NOS1: variants seen among roughly 807,000 people sequenced by gnomAD.
The protein encoded by NOS1 is nitric oxide synthase 1.
Under a neutral mutation model 164.5 loss-of-function variants are expected in NOS1, and 51 were observed. The observed-to-expected ratio is 0.31, with a 90% CI of 0.25 to 0.39. The LOEUF (loss-of-function observed/expected upper bound fraction) is 0.39. Among genes scored for constraint, NOS1 ranks in the 10% least tolerant of loss-of-function variants. The pLI, the probability that NOS1 is intolerant of heterozygous loss-of-function variation, is 1.00. For synonymous variants in NOS1, 719 were observed against 745.8 expected (o/e 0.96, Z 0.59); for missense variants, 1,362 against 1,885.6 (o/e 0.72, Z 5.14).
intron 1 of NOS1, among the ~76,000 whole-genome samples, chr12:117,343,097 G>A (rs1288529963): frequency 6.6e-6 from 1 of 151,992 alleles, no homozygotes; most frequent in Admixed American, 6.6e-5. Context: ...GGGAGGCTGA[G>A]GCGAGAGGAT....
intron 2 of NOS1, among the ~76,000 whole-genome samples, chr12:117,314,062 C>T (rs917495146): frequency 2.0e-5 from 3 of 152,178 alleles, no homozygotes; most frequent in Non-Finnish European, 4.4e-5. Flanking sequence ...TCCCCAGTGA[C>T]CCCTCCAGCG....
chr12:117,346,458 G>A (rs922406147), intron 1 of NOS1, among the ~76,000 whole-genome samples: 5 of 152,266 alleles, frequency 3.3e-5, no homozygotes, highest in East Asian at 1.9e-4. Context: ...ACCACAGAGC[G>A]AGACTCTGTC....
intron 6 of NOS1, among the ~76,000 whole-genome samples, chr12:117,285,767 C>G (rs1457307977): frequency 1.3e-5 from 2 of 152,178 alleles, no homozygotes; most frequent in African/African-American, 4.8e-5. Flanking sequence ...GACACAGAAA[C>G]TAATGCCTTC....
chr12:117,286,676 A>G (rs1555255881), intron 5 of NOS1, among the ~76,000 whole-genome samples: 1 of 152,212 alleles, frequency 6.6e-6, no homozygotes, highest in Non-Finnish European at 1.5e-5. Flanking sequence ...TTAGAAAGTT[A>G]GAAAAATTTT....
intron 10 of NOS1, among the ~76,000 whole-genome samples, chr12:117,268,667 G>A (rs1359668263): frequency 6.9e-6 from 1 of 144,270 alleles, no homozygotes; most frequent in African/African-American, 2.6e-5. Flanking sequence ...TTGGCTCACT[G>A]CAAGCTCCGC....
chr12:117,263,493 A>G (rs1293888904), intron 13 of NOS1, among the ~76,000 whole-genome samples: 7 of 152,012 alleles, frequency 4.6e-5, no homozygotes, highest in African/African-American at 1.4e-4. Context: ...ATCTCAAAAA[A>G]GAAAGAAAGA....
chr12:117,361,146 C>G (rs1877127390), intron 1 of NOS1, among the ~76,000 whole-genome samples: 1 of 152,044 alleles, frequency 6.6e-6, no homozygotes, highest in African/African-American at 2.4e-5. Flanking sequence ...AGCCGGGCAG[C>G]GCCGAGGCTG....
At chr12:117,304,016 C>T (rs1873992119) in intron 3 of NOS1, among the ~76,000 whole-genome samples, 1 of 152,070 alleles carries the variant, frequency 6.6e-6, no homozygotes, top group Non-Finnish European at 1.5e-5. Flanking sequence ...GCCAAAAATA[C>T]AAAAAATTAG....
At position 117,234,999 on chromosome 12, in the gene NOS1, G is replaced by C. The variant is rs1231679116; in HGVS notation, c.3042-241C>G. Among the ~76,000 whole-genome samples the C allele has an allele frequency of 1.3e-5, 2 of 151,974 alleles. No individual in the cohort carries two copies. The highest frequency in any genetic ancestry group is 4.8e-5 in the African/African-American group (2 of 41,428). The stretch of plus-strand genomic sequence containing the variant: ...AGTGGTGCGATCACGGCTCACTGCA[G>C]CCTCTATCTCCCAAGCTCAATGATC... On this transcript the variant is annotated intron_variant, in intron 20 of 28. Coordinates refer to ENST00000317775, the MANE Select transcript of NOS1 (RefSeq NM_000620.5). The surrounding 1 kb of genome is among the most constrained non-coding windows in gnomAD (Gnocchi z 4.3).
intron 1 of NOS1, among the ~76,000 whole-genome samples, chr12:117,351,131 A>G (rs910689761): frequency 3.9e-5 from 6 of 152,120 alleles, no homozygotes; most frequent in African/African-American, 4.8e-5. Flanking sequence ...GAAGAAGAAA[A>G]AAAAAAGTCT....
At chr12:117,252,636 G>C (rs1871183633) in intron 17 of NOS1, among the ~76,000 whole-genome samples, 1 of 152,212 alleles carries the variant, frequency 6.6e-6, no homozygotes, top group African/African-American at 2.4e-5. Context: ...GCTGATAGGA[G>C]GAGAGACTGT....
At chr12:117,219,907 G>T (rs1257173929) in intron 27 of NOS1, among the ~76,000 whole-genome samples, 168 bp downstream of exon 27, 1 of 152,202 alleles carries the variant, frequency 6.6e-6, no homozygotes, top group Non-Finnish European at 1.5e-5. Context: ...TACTTTCTCT[G>T]TCATTGTTTG....
chr12:117,261,857 A>G (rs1188994444), intron 13 of NOS1, among the ~76,000 whole-genome samples: 1 of 152,206 alleles, frequency 6.6e-6, no homozygotes, highest in African/African-American at 2.4e-5. Flanking sequence ...AAGTCTGAAC[A>G]TCAAATCCAG....
In NOS1 at chr12:117,280,879, G is replaced by C. The variant is rs1873590227; in HGVS notation, c.1383-13C>G. 1.2e-6 allele frequency: 2 copies of C among 1,613,106 alleles called. No individual in the cohort carries two copies. Among genetic ancestry groups the C allele is most frequent in the Admixed American group, 3.3e-5 (2 of 59,944 alleles). On this transcript the variant is annotated splice_polypyrimidine_tract_variant and intron_variant, in intron 7 of 28. Coordinates refer to ENST00000317775, the MANE Select transcript of NOS1 (RefSeq NM_000620.5). ...GGTGATGGCAGACCTGTGGTGGAGA[G>C]AGGGGAACACCCGGCATCAGGGCGG... is the stretch of plus-strand genomic sequence containing the variant.
intron 16 of NOS1, 115 bp from the exon 17 acceptor site, chr12:117,253,869 T>C (rs1182787567): frequency 3.1e-5 from 22 of 711,066 alleles, no homozygotes; most frequent in Non-Finnish European, 5.0e-5. Context: ...TCTTGTATGT[T>C]GAGTCAAACC....
chr12:117,335,598 C>G (rs10160911), intron 1 of NOS1, among the ~76,000 whole-genome samples: 7,138 of 152,176 alleles, frequency 0.047, 470 homozygotes, highest in African/African-American at 0.15. Context: ...CCCTCTCCAC[C>G]CTGAACCTCA....
rs1350486943 is a variant in NOS1 at position 117,213,726 on chromosome 12, G to A, written c.*1583C>T. The A allele has an allele frequency of 1.0e-6, 1 of 985,300 alleles. No individual in the cohort carries two copies. Among genetic ancestry groups the A allele is most frequent in the Non-Finnish European group, 1.2e-6 (1 of 829,952 alleles). 61.0% of individuals were successfully genotyped at this position (985,300 alleles called of 1,614,324 possible). Reference sequence around the variant, plus strand: ...CTGTATAGCAAGACACAACAAACAGGGTAGAACCAGCAGAACATTCCCTTT... The same window carrying A: ...CTGTATAGCAAGACACAACAAACAGAGTAGAACCAGCAGAACATTCCCTTT... On this transcript the variant is annotated 3_prime_UTR_variant, in exon 29 of 29. Coordinates refer to ENST00000317775, the MANE Select transcript of NOS1 (RefSeq NM_000620.5).
intron 2 of NOS1, among the ~76,000 whole-genome samples, chr12:117,313,737 T>C (rs1874545159): frequency 6.6e-6 from 1 of 152,188 alleles, no homozygotes. Context: ...AAAATCCAGA[T>C]GGCCTCATCA....
At position 117,234,167 on chromosome 12, in the gene NOS1, T is replaced by C. The variant is rs1296102336; in HGVS notation, c.3235+398A>G. 1.3e-5 allele frequency among the ~76,000 whole-genome samples: 2 copies of C among 152,214 alleles called. No homozygotes were observed. Among genetic ancestry groups the C allele is most frequent in the African/African-American group, 4.8e-5 (2 of 41,456 alleles). Reference sequence around the variant, plus strand: ...GCCATCGAGCTTCCTATAGTACCTTTTGATTCTAAGAGGAGGCAGGATCAG... The same window carrying C: ...GCCATCGAGCTTCCTATAGTACCTTCTGATTCTAAGAGGAGGCAGGATCAG... On this transcript the variant is annotated intron_variant, in intron 21 of 28. Transcript: ENST00000317775. The surrounding 1 kb of genome is among the most constrained non-coding windows in gnomAD (Gnocchi z 4.3).
Sources: gnomAD v4.1 joint callset for allele counts (sites outside exome capture counted in the v4.1 genomes callset) on GRCh38, gnomAD v4.1.1 for gene constraint, Gnocchi (gnomAD v3.1) non-coding constraint, MANE v1.5 for transcripts, NCBI Gene and HGNC (gene_info 2026-07-23, HGNC 2026-07-21) for gene names.